Variants in EPG5 observed in about 807,000 individuals in gnomAD.
EPG5 encodes ectopic P-granules 5 autophagy tethering factor.
In EPG5, 159 loss-of-function variants were observed where a neutral mutation model predicts 302.7. That is an observed-to-expected ratio of 0.53 (90% CI 0.46 to 0.60). The LOEUF is 0.60. EPG5 is among the 20% of genes least tolerant of loss of function. EPG5 has a pLI of 0.00. For synonymous variants in EPG5, 1,158 were observed against 1,136.8 expected (o/e 1.02, Z -0.37); for missense variants, 2,896 against 3,092.4 (o/e 0.94, Z 1.51).
the EPG5 span, among the ~76,000 whole-genome samples, chr18:45,807,072 A>T: frequency 6.6e-6 from 1 of 152,178 alleles, no homozygotes; most frequent in South Asian, 2.1e-4. Context: ...CCTTCGGATT[A>T]TGTGGGAGCT....
the EPG5 span, among the ~76,000 whole-genome samples, chr18:45,814,292 T>G: frequency 6.6e-6 from 1 of 152,232 alleles, no homozygotes; most frequent in Non-Finnish European, 1.5e-5. Flanking sequence ...AAGGGCATTC[T>G]GCAAGACAAC....
chr18:45,858,270 C>T (rs566628322), intron 41 of EPG5, among the ~76,000 whole-genome samples: 22 of 152,292 alleles, frequency 1.4e-4, no homozygotes, highest in African/African-American at 4.8e-4. Context: ...TGATGAACTT[C>T]GTGTTCTTCC....
At position 45,899,528 on chromosome 18, in the gene EPG5, T is replaced by C. The variant is rs2049557118; in HGVS notation, c.4685A>G (p.Asp1562Gly). ...TGGCATTGTGTCTAACAGCTCACCA[T>C]CCAGAGCAACCTGCTGAGATTCCCG... ...ALRESQQVAL[D>G]GELLDTMPKQ... The change falls in exon 27 of 44, where the codon GAT becomes GGT. Residue 1562 changes from aspartate to glycine, a missense_variant. Physicochemically the swap from Asp to Gly is moderately conservative, Grantham distance 94. This residue lies in a region of EPG5 where 790 missense variants were observed against 798.0 expected (regional missense o/e 0.99). Transcript: ENST00000282041. The C allele has an allele frequency of 2.5e-6, 4 of 1,614,118 alleles. No homozygotes were observed. Among genetic ancestry groups the C allele is most frequent in the South Asian group, 1.1e-5 (1 of 91,084 alleles).
chr18:45,931,559 C>T lies in EPG5; in HGVS notation c.2258-729G>A, dbSNP rs142835780. 6.3e-3 allele frequency among the ~76,000 whole-genome samples: 952 copies of T among 152,244 alleles called. 9 individuals carry two copies. The highest frequency in any genetic ancestry group is 0.021 in the African/African-American group (864 of 41,538). On this transcript the variant is annotated intron_variant, in intron 11 of 43. Coordinates refer to ENST00000282041, the MANE Select transcript of EPG5 (RefSeq NM_020964.3). ...TTAAAAATATATGTGCTTGGCCGGG[C>T]GCTGTGGCTCACACCTGTAATCCCA...
At chr18:45,904,240 C>T in intron 24 of EPG5, 123 bp from the exon 25 acceptor site, 1 of 1,066,686 alleles carries the variant, frequency 9.4e-7, no homozygotes, top group Non-Finnish European at 1.3e-6. Context: ...TCCAAGTCCT[C>T]CACCATTAGG....
chr18:45,925,416 T>C (rs1568160468), intron 14 of EPG5, among the ~76,000 whole-genome samples: 1 of 152,096 alleles, frequency 6.6e-6, no homozygotes, highest in East Asian at 1.9e-4. Flanking sequence ...GAGGTTGCAG[T>C]GAGCCAAGAT....
chr18:45,864,943 A>G (rs1161981517), intron 39 of EPG5, among the ~76,000 whole-genome samples: 6 of 152,206 alleles, frequency 3.9e-5, no homozygotes, highest in African/African-American at 1.4e-4. Context: ...TTATCTTTAC[A>G]GTAAAAATGT....
In EPG5 at chr18:45,880,315, T is replaced by C. The variant is rs572275325; in HGVS notation, c.5519-92A>G. 4.7e-5 allele frequency: 58 copies of C among 1,238,936 alleles called. No homozygotes were observed. In the African/African-American group the frequency reaches 8.4e-4, roughly 18 times the overall value. The allele number at this position is 1,238,936 out of a possible 1,614,324, so 76.7% of individuals were successfully genotyped here. On this transcript the variant is annotated intron_variant, in intron 31 of 43. Transcript: ENST00000282041. ...AGAATATGAGCACCTTATAAAGGAA[T>C]AAAAATAAAGCCAAAATCCAAAACA...
chr18:45,928,967 C>T lies in EPG5; in HGVS notation c.2455G>A (p.Val819Ile). ...TLSTRETFSKVGRELLGTITA... is the reference protein window; with the variant it reads ...TLSTRETFSKIGRELLGTITA... ...ATAGTCCCTAAAAGCTCTCGACCAA[C>T]CTTTGAAAAAGTCTCTCTGGTAGAC... The change falls in exon 13 of 44, where the codon GTT (valine) becomes ATT (isoleucine). Residue 819 changes from valine (V) to isoleucine (I), a missense_variant. Transcript: ENST00000282041. 1 of 1,613,960 alleles carries T rather than the reference C, an allele frequency of 6.2e-7. No homozygotes were observed. The highest frequency in any genetic ancestry group is 8.5e-7 in the Non-Finnish European group (1 of 1,179,912).
chr18:45,866,127 T>G (rs1402291281), intron 38 of EPG5, among the ~76,000 whole-genome samples: 3 of 151,578 alleles, frequency 2.0e-5, no homozygotes, highest in African/African-American at 2.4e-5. Flanking sequence ...TATTTCTTTT[T>G]TTTTTTTTTT....
At chr18:45,832,307 C>T in the EPG5 span, among the ~76,000 whole-genome samples, 60 of 151,824 alleles carry the variant, frequency 4.0e-4, no homozygotes, top group African/African-American at 1.4e-3. Context: ...GAGCCTAGGA[C>T]GTGCCAGGCA....
At chr18:45,929,729 T>A (rs969747521) in intron 12 of EPG5, among the ~76,000 whole-genome samples, 2 of 152,226 alleles carry the variant, frequency 1.3e-5, no homozygotes, top group African/African-American at 4.8e-5. Flanking sequence ...TGTGAAAATA[T>A]GTCTTCTCTC....
intron 31 of EPG5, among the ~76,000 whole-genome samples, chr18:45,880,506 G>A (rs1044421683): frequency 3.3e-5 from 5 of 152,080 alleles, no homozygotes; most frequent in African/African-American, 7.2e-5. Flanking sequence ...CTGACCCTCC[G>A]ACCCTGACTG....
intron 10 of EPG5, among the ~76,000 whole-genome samples, chr18:45,936,720 CAA>C (rs762675563): frequency 7.4e-5 from 4 of 53,852 alleles, no homozygotes; most frequent in Non-Finnish European, 1.1e-4. Flanking sequence ...GACTCCATTT[CAA>C]AAAAAAAAAA....
chr18:45,811,248 G>A, the EPG5 span, among the ~76,000 whole-genome samples: 2 of 152,146 alleles, frequency 1.3e-5, no homozygotes, highest in Non-Finnish European at 2.9e-5. Flanking sequence ...TGATATGATT[G>A]TTTACCTAGA....
chr18:45,878,566 G>A, intron 33 of EPG5, 118 bp from the exon 34 acceptor site: 1 of 663,706 alleles, frequency 1.5e-6, no homozygotes, highest in African/African-American at 1.8e-5. Flanking sequence ...CTATGTTAAT[G>A]TATAAACAAC....
the EPG5 span, among the ~76,000 whole-genome samples, chr18:45,826,071 A>G: frequency 6.6e-6 from 1 of 152,220 alleles, no homozygotes; most frequent in African/African-American, 2.4e-5. Flanking sequence ...CCAGAGGACA[A>G]TAGGCCAGGT....
intron 16 of EPG5, among the ~76,000 whole-genome samples, chr18:45,921,771 C>T (rs1364309744): frequency 2.0e-5 from 3 of 151,716 alleles, no homozygotes; most frequent in African/African-American, 7.3e-5. Context: ...ATGAGAACAC[C>T]TGGACATAGA....
the EPG5 span, among the ~76,000 whole-genome samples, chr18:45,833,905 T>C: frequency 1.3e-5 from 2 of 150,282 alleles, no homozygotes; most frequent in Admixed American, 1.3e-4. Context: ...CCAAGATAAG[T>C]AAAGGAAATA....
Sources: gnomAD v4.1 joint callset for allele counts (sites outside exome capture counted in the v4.1 genomes callset) on GRCh38, gnomAD v4.1.1 for gene constraint, gnomAD v4.1.1 regional missense constraint, MANE v1.5 for transcripts, NCBI Gene and HGNC (gene_info 2026-07-23, HGNC 2026-07-21) for gene names.